C7: variants seen among roughly 807,000 people sequenced by gnomAD.
C7 encodes complement component C7.
Under a neutral mutation model 104.8 loss-of-function variants are expected in C7, and 83 were observed. The ratio of observed to expected loss-of-function variants is 0.79; its 90% CI spans 0.66 to 0.95. The LOEUF is 0.95. Among genes scored for constraint, C7 ranks in the 40% least tolerant of loss-of-function variants. C7 has a pLI of 0.00. For missense variants in C7, 1,070 were observed against 1,011.2 expected (o/e 1.06, Z -0.79); for synonymous variants, 415 against 360.6 (o/e 1.15, Z -1.71).
chr5:40,961,484 A>G (rs988229738), intron 12 of C7, among the ~76,000 whole-genome samples: 3 of 151,832 alleles, frequency 2.0e-5, no homozygotes, highest in African/African-American at 7.3e-5. Flanking sequence ...TCCCAAGCTC[A>G]GGAGATTCTC....
At chr5:40,943,804 T>TA (rs1421706589) in intron 6 of C7, among the ~76,000 whole-genome samples, 1 of 151,170 alleles carries the variant, frequency 6.6e-6, no homozygotes, top group African/African-American at 2.4e-5. Flanking sequence ...AATAATGCTC[T>TA]AATAAAAGAT....
At chr5:40,970,088 T>C (rs1740660666) in intron 14 of C7, among the ~76,000 whole-genome samples, 1 of 152,120 alleles carries the variant, frequency 6.6e-6, no homozygotes, top group Non-Finnish European at 1.5e-5. Flanking sequence ...GCACAACATA[T>C]TTGGCAAAAT....
chr5:40,917,458 C>A (rs1018395383), intron 1 of C7, among the ~76,000 whole-genome samples: 1 of 152,050 alleles, frequency 6.6e-6, no homozygotes, highest in African/African-American at 2.4e-5. Flanking sequence ...ACAGAATTTT[C>A]TTCTTTTTTT....
intron 3 of C7, among the ~76,000 whole-genome samples, chr5:40,931,503 TTTC>T (rs1739682560): frequency 6.6e-6 from 1 of 152,206 alleles, no homozygotes; most frequent in Non-Finnish European, 1.5e-5. Context: ...GAGTTCAACT[TTTC>T]TTCTCATCTC....
chr5:40,916,564 G>A (rs1265162765), intron 1 of C7, among the ~76,000 whole-genome samples: 1 of 152,098 alleles, frequency 6.6e-6, no homozygotes, highest in Non-Finnish European at 1.5e-5. Flanking sequence ...AAAGATGATG[G>A]GACCTTAAGG....
intron 8 of C7, among the ~76,000 whole-genome samples, chr5:40,948,636 A>AGAT (rs1740100627): frequency 6.6e-6 from 1 of 152,196 alleles, no homozygotes; most frequent in Non-Finnish European, 1.5e-5. Context: ...CTATCTGTCT[A>AGAT]GATATGGGCA....
At position 40,952,380 on chromosome 5, in the gene C7, T is replaced by C. The variant is rs374472420; in HGVS notation, c.1093+2366T>C. Among the ~76,000 whole-genome samples, 13 of 152,254 alleles carry C rather than the reference T, an allele frequency of 8.5e-5. No homozygotes were observed. The East Asian group carries it at 1.7e-3, about 20-fold the overall frequency. On this transcript the variant is annotated intron_variant, in intron 9 of 17. Transcript: ENST00000313164. The stretch of plus-strand genomic sequence containing the variant: ...TTGACTTGCATTGGGCTGCCTTTTC[T>C]AGGGGAAAAGAGTTAGCTGGAACAG...
chr5:40,978,140 GAAAAAAAAAA>G (rs869311131), intron 16 of C7, among the ~76,000 whole-genome samples: 5 of 107,634 alleles, frequency 4.6e-5, no homozygotes, highest in Non-Finnish European at 9.4e-5. Flanking sequence ...ATCTCAAAAA[GAAAAAAAAAA>G]AAAAAAAAAA....
rs1034592837 is a variant in C7, at chr5:40,983,313, G to C, written c.*1740G>C. On this transcript the variant is annotated 3_prime_UTR_variant, in exon 18 of 18. Transcript: ENST00000313164. ...TAATTTCTCCTCTTAGCTTAAGCTA[G>C]TATGGAGTTAGATTCCTACCGCTTA... Among the ~76,000 whole-genome samples the C allele has an allele frequency of 1.3e-5, 2 of 152,200 alleles. No homozygotes were observed. Among genetic ancestry groups the C allele is most frequent in the Non-Finnish European group, 2.9e-5 (2 of 68,042 alleles).
At position 40,930,398 on chromosome 5, in the gene C7, G is replaced by A. The variant is rs1242993146; in HGVS notation, c.63-666G>A. The stretch of plus-strand genomic sequence containing the variant: ...TTTTTGTATTTTTAGTAGAGACGGG[G>A]TTTCACCATGATGGCCCTGTTGGTC... On this transcript the variant is annotated intron_variant, in intron 2 of 17. Transcript: ENST00000313164. 4.6e-5 allele frequency among the ~76,000 whole-genome samples: 7 copies of A among 151,418 alleles called. No homozygotes were observed. In the East Asian group the frequency reaches 1.4e-3, roughly 30 times the overall value.
intron 9 of C7, among the ~76,000 whole-genome samples, chr5:40,954,575 C>CT (rs1048930506): frequency 6.6e-6 from 1 of 151,356 alleles, no homozygotes; most frequent in Non-Finnish European, 1.5e-5. Context: ...AGTTGTTTTT[C>CT]TTTTTTAAAA....
At chr5:40,974,006 G>A (rs928107392) in intron 15 of C7, among the ~76,000 whole-genome samples, 1 of 152,084 alleles carries the variant, frequency 6.6e-6, no homozygotes, top group Non-Finnish European at 1.5e-5. Context: ...TTCCAAAGTT[G>A]ATGTTTTAAA....
rs1375090793 is a variant in C7 at position 40,984,082 on chromosome 5, G to C, written c.*2509G>C. Among the ~76,000 whole-genome samples the C allele has an allele frequency of 6.6e-6, 1 of 152,150 alleles. No individual in the cohort carries two copies. The highest frequency in any genetic ancestry group is 1.5e-5 in the Non-Finnish European group (1 of 68,030). ...CGCTACAAGTTACCTGGGCAGAGAAGGTGCCTGAGAATATTTCCTAATCGT... is the reference window on the plus strand; with the variant it reads ...CGCTACAAGTTACCTGGGCAGAGAACGTGCCTGAGAATATTTCCTAATCGT... On this transcript the variant is annotated 3_prime_UTR_variant, in exon 18 of 18. Coordinates refer to ENST00000313164, the MANE Select transcript of C7 (RefSeq NM_000587.4).
At chr5:40,927,106 G>A (rs912998860) in intron 1 of C7, among the ~76,000 whole-genome samples, 1 of 152,032 alleles carries the variant, frequency 6.6e-6, no homozygotes, top group Non-Finnish European at 1.5e-5. Flanking sequence ...ATATATGGTC[G>A]ATTGGTTATT....
intron 17 of C7, among the ~76,000 whole-genome samples, chr5:40,981,060 T>C (rs1561263216): frequency 6.6e-6 from 1 of 152,204 alleles, no homozygotes; most frequent in Non-Finnish European, 1.5e-5. Context: ...TGGTTCTTTG[T>C]TGAGGGCTTC....
intron 2 of C7, among the ~76,000 whole-genome samples, chr5:40,930,060 C>T (rs1739645651): frequency 6.6e-6 from 1 of 152,122 alleles, no homozygotes; most frequent in South Asian, 2.1e-4. Flanking sequence ...AACTCAAACT[C>T]TCCCTTATCT....
intron 1 of C7, among the ~76,000 whole-genome samples, chr5:40,921,223 A>T (rs1433518712): frequency 6.6e-6 from 1 of 152,180 alleles, no homozygotes; most frequent in Admixed American, 6.6e-5. Flanking sequence ...AAAAGCTATA[A>T]AATAAAATAC....
At chr5:40,910,626 G>T (rs1378562903) in intron 1 of C7, among the ~76,000 whole-genome samples, 1 of 151,988 alleles carries the variant, frequency 6.6e-6, no homozygotes, top group African/African-American at 2.4e-5. Context: ...CAACATGGAG[G>T]CAGATAGAGG....
intron 16 of C7, among the ~76,000 whole-genome samples, chr5:40,977,357 A>T (rs1366975449): frequency 6.6e-6 from 1 of 152,176 alleles, no homozygotes. Flanking sequence ...TAGGATAGAG[A>T]TGGCACAATT....
Sources: gnomAD v4.1 joint callset for allele counts (sites outside exome capture counted in the v4.1 genomes callset) on GRCh38, gnomAD v4.1.1 for gene constraint, MANE v1.5 for transcripts, NCBI Gene and HGNC (gene_info 2026-07-23, HGNC 2026-07-21) for gene names.